Variants in MCM6 observed in about 807,000 individuals in gnomAD.
MCM6 encodes DNA replication licensing factor MCM6.
MCM6 carries 46 observed loss-of-function variants against 94.3 expected under a neutral mutation model. The observed-to-expected ratio is 0.49, with a 90% confidence interval of 0.39 to 0.62. The LOEUF is 0.62. Among genes scored for constraint, MCM6 ranks in the 20% least tolerant of loss-of-function variants. MCM6 has a pLI of 0.00. For synonymous variants in MCM6, 335 were observed against 351.9 expected (o/e 0.95, Z 0.54); for missense variants, 865 against 1,017.9 (o/e 0.85, Z 2.04).
chr2:135,840,422 G>A lies in MCM6; in HGVS notation c.*413C>T, dbSNP rs1184797950. 1 of 156,186 alleles carries A rather than the reference G, an allele frequency of 6.4e-6. No homozygotes were observed. Among genetic ancestry groups the A allele is most frequent in the Non-Finnish European group, 1.4e-5 (1 of 70,686 alleles). 9.7% of individuals were successfully genotyped at this position (156,186 alleles called of 1,614,324 possible). On this transcript the variant is annotated 3_prime_UTR_variant, in exon 17 of 17. Transcript: ENST00000264156. ...TGGAAGTAATAATCAGGGTACAGTA[G>A]AAAGAAATCCAATAGACAACTTCAG...
chr2:135,852,699 G>A (rs1038013031), intron 12 of MCM6, 88 bp downstream of exon 12: 5 of 959,348 alleles, frequency 5.2e-6, no homozygotes, highest in Non-Finnish European at 7.1e-6. Context: ...TAGATGACAG[G>A]TTCAGTTAAT....
chr2:135,876,154 G>T lies in MCM6; in HGVS notation c.107+105C>A. Reference sequence around the variant, plus strand: ...GCGGGCGGGGAGGCGCTTCCCGGACGCGCGACCCCCAGGTTCCGGAACACC... The same window carrying T: ...GCGGGCGGGGAGGCGCTTCCCGGACTCGCGACCCCCAGGTTCCGGAACACC... On this transcript the variant is annotated intron_variant, in intron 1 of 16. Transcript: ENST00000264156. 3 of 845,978 alleles carry T rather than the reference G, an allele frequency of 3.5e-6. No homozygotes were observed. The South Asian group carries it at 7.0e-5, about 20-fold the overall frequency. 52.4% of individuals were successfully genotyped at this position (845,978 alleles called of 1,614,324 possible).
intron 1 of MCM6, among the ~76,000 whole-genome samples, chr2:135,875,197 C>G (rs1558765302): frequency 6.6e-6 from 1 of 152,154 alleles, no homozygotes; most frequent in Admixed American, 6.5e-5. Flanking sequence ...GAAACCCCAT[C>G]TCTACTAAAA....
intron 8 of MCM6, among the ~76,000 whole-genome samples, chr2:135,860,527 C>T (rs1679971581): frequency 6.6e-6 from 1 of 152,120 alleles, no homozygotes; most frequent in Admixed American, 6.5e-5. Flanking sequence ...CAAAACAAAA[C>T]TAGATATGGG....
chr2:135,876,275 G>A lies in MCM6; in HGVS notation c.91C>T (p.Leu31=), dbSNP rs575498810. 4 of 1,609,864 alleles carry A rather than the reference G, an allele frequency of 2.5e-6. No individual in the cohort carries two copies. Among genetic ancestry groups the A allele is most frequent in the Admixed American group, 3.3e-5 (2 of 59,772 alleles). The change falls in exon 1 of 17, where the codon CTG becomes TTG. Residue 31 remains leucine, a synonymous_variant. Coordinates refer to ENST00000264156, the MANE Select transcript of MCM6 (RefSeq NM_005915.6). ...CCGACTTACTCCTCCAAGAAGTCCA[G>A]GAACAGTTTCTGGCACTTCTCGGCC... ...EVAEKCQKLF[L]DFLEEFQSSD... is the part of the protein sequence containing the mutation.
intron 2 of MCM6, among the ~76,000 whole-genome samples, chr2:135,871,334 A>C (rs146600122): frequency 6.6e-6 from 1 of 152,274 alleles, no homozygotes; most frequent in East Asian, 1.9e-4. Flanking sequence ...CTTATTTGTC[A>C]GTGCTATAAC....
rs776273991 is a variant in MCM6, at chr2:135,868,736, C to T, written c.490G>A (p.Val164Met). 1 of 1,614,206 alleles carries T rather than the reference C, an allele frequency of 6.2e-7. No homozygotes were observed. Among genetic ancestry groups the T allele is most frequent in the Non-Finnish European group, 8.5e-7 (1 of 1,180,038 alleles). ...GTFLCLDCQTVIRDVEQQFKY... is the reference protein window; with the variant it reads ...GTFLCLDCQTMIRDVEQQFKY... The stretch of plus-strand genomic sequence containing the variant: ...AACTGCTGTTCTACATCCCTGATCA[C>T]TGTCTGACAGTCCAAGCACAGAAAA... Residue 164 changes from valine (V) to methionine (M), a missense_variant, in exon 4 of 17, where the codon GTG becomes ATG. Physicochemically the swap from Val to Met is conservative, Grantham distance 21. This residue lies in a region of MCM6 where 404 missense variants were observed against 451.9 expected (regional missense o/e 0.89). Coordinates refer to ENST00000264156, the MANE Select transcript of MCM6 (RefSeq NM_005915.6).
intron 1 of MCM6, 45 bp downstream of exon 1, chr2:135,876,214 G>A: frequency 6.1e-6 from 9 of 1,472,814 alleles, no homozygotes; most frequent in Non-Finnish European, 8.2e-6. Context: ...CCCAGACGCC[G>A]CAGGCTCCGG....
chr2:135,874,896 CATT>C (rs370559575), intron 1 of MCM6, among the ~76,000 whole-genome samples: 12 of 152,258 alleles, frequency 7.9e-5, no homozygotes, highest in Admixed American at 5.2e-4. Context: ...ACCTTGTAGA[CATT>C]ATGTTACACA....
chr2:135,860,433 T>C (rs1472428343), intron 8 of MCM6, among the ~76,000 whole-genome samples: 2 of 152,134 alleles, frequency 1.3e-5, no homozygotes, highest in African/African-American at 4.8e-5. Context: ...CGCGCCCAGC[T>C]AAAACATCAA....
At chr2:135,875,632 AG>A (rs1269517000) in intron 1 of MCM6, among the ~76,000 whole-genome samples, 1 of 152,178 alleles carries the variant, frequency 6.6e-6, no homozygotes, top group African/African-American at 2.4e-5. Context: ...CCAGAGGCAC[AG>A]AAAAAAAGAA....
At chr2:135,848,612 G>A (rs56234819) in intron 13 of MCM6, among the ~76,000 whole-genome samples, 3 of 152,124 alleles carry the variant, frequency 2.0e-5, no homozygotes, top group South Asian at 2.1e-4. Context: ...GGCCAGGCAC[G>A]GTGGCTCATG....
In MCM6 at chr2:135,846,199, A is replaced by C. The variant is rs751109272; in HGVS notation, c.2209+38T>G. 3 of 1,606,774 alleles carry C rather than the reference A, an allele frequency of 1.9e-6. No individual in the cohort carries two copies. In the South Asian group the frequency reaches 3.3e-5, roughly 18 times the overall value. Reference sequence around the variant, plus strand: ...GGCCTATGTGAACAGAGCTTACAGAAGTGACCGAGCATGTAAGCAGTACCA... The same window carrying C: ...GGCCTATGTGAACAGAGCTTACAGACGTGACCGAGCATGTAAGCAGTACCA... On this transcript the variant is annotated intron_variant, in intron 15 of 16. Transcript: ENST00000264156.
rs772775461 is a variant in MCM6 at position 135,865,071 on chromosome 2, C to A, written c.1020G>T (p.Met340Ile). Residue 340 changes from methionine to isoleucine, a missense_variant, in exon 7 of 17, where the codon ATG becomes ATT. Physicochemically the swap from Met to Ile is conservative, Grantham distance 10. Coordinates refer to ENST00000264156, the MANE Select transcript of MCM6 (RefSeq NM_005915.6). ...TGTGGTATAGATTTTTATCTTGACT[C>A]ATCTCAAACACTTTCTCCCATTCTT... is the stretch of plus-strand genomic sequence containing the variant. ...TVKEWEKVFE[M>I]SQDKNLYHNL... 1 of 1,575,504 alleles carries A rather than the reference C, an allele frequency of 6.3e-7. No individual in the cohort carries two copies. Among genetic ancestry groups the A allele is most frequent in the South Asian group, 1.2e-5 (1 of 83,148 alleles).
rs1456829217 is a variant in MCM6, at chr2:135,840,630, AAAGG to A, written c.*201_*204del. 13 of 533,668 alleles carry A rather than the reference AAAGG, an allele frequency of 2.4e-5. 1 individual carries two copies. In the African/African-American group the frequency reaches 2.5e-4, roughly 10 times the overall value. The allele number at this position is 533,668 out of a possible 1,614,324, so 33.1% of individuals were successfully genotyped here. The stretch of plus-strand genomic sequence containing the variant: ...ACTTCACTGGGACAGGAAACACACC[AAAGG>A]AAGTGCTGAAGCCTGTGTTGGTATG... On this transcript the variant is annotated 3_prime_UTR_variant, in exon 17 of 17. Transcript: ENST00000264156.
At chr2:135,848,497 T>C (rs776903491) in intron 13 of MCM6, among the ~76,000 whole-genome samples, 50 of 152,174 alleles carry the variant, frequency 3.3e-4, no homozygotes, top group Non-Finnish European at 6.6e-4. Flanking sequence ...AAAACATGCA[T>C]TAACCTATGA....
chr2:135,856,695 A>T, intron 11 of MCM6, 33 bp downstream of exon 11: 1 of 1,607,276 alleles, frequency 6.2e-7, no homozygotes. Context: ...GATTACTCCA[A>T]CTGGAAATAA....
chr2:135,843,762 G>A (rs1679622382), intron 16 of MCM6, among the ~76,000 whole-genome samples: 1 of 150,288 alleles, frequency 6.7e-6, no homozygotes, highest in Non-Finnish European at 1.5e-5. Context: ...AACCATTCAG[G>A]GAAAGAGACT....
chr2:135,849,591 C>A (rs1487819686), intron 13 of MCM6, among the ~76,000 whole-genome samples: 1 of 152,136 alleles, frequency 6.6e-6, no homozygotes, highest in Non-Finnish European at 1.5e-5. Context: ...GAGAACAATG[C>A]GCTGGAACTA....
Sources: gnomAD v4.1 joint callset for allele counts (sites outside exome capture counted in the v4.1 genomes callset) on GRCh38, gnomAD v4.1.1 for gene constraint, gnomAD v4.1.1 regional missense constraint, MANE v1.5 for transcripts, NCBI Gene and HGNC (gene_info 2026-07-23, HGNC 2026-07-21) for gene names.